The following FBXL17 variants were observed in gnomAD, a reference collection of about 807,000 sequenced individuals.
The protein encoded by FBXL17 is F-box and leucine rich repeat protein 17.
Under a neutral mutation model 66.2 loss-of-function variants are expected in FBXL17, and 22 were observed. That is an observed-to-expected ratio of 0.33 (90% CI 0.24 to 0.47). The LOEUF (loss-of-function observed/expected upper bound fraction) is 0.47, where lower values mean the gene tolerates loss of function less well. Ranked by LOEUF, FBXL17 falls within the 20% of genes least tolerant of loss-of-function variation. The probability of loss-of-function intolerance (pLI) is 1.00; values close to 1 mark genes in which losing one functional copy is unlikely to be tolerated. For synonymous variants in FBXL17, 474 were observed against 400.5 expected (o/e 1.18, Z -2.19); for missense variants, 878 against 948.2 (o/e 0.93, Z 0.97).
intron 6 of FBXL17, among the ~76,000 whole-genome samples, chr5:108,060,187 G>C (rs1052731471): frequency 6.6e-6 from 1 of 151,140 alleles, no homozygotes; most frequent in Non-Finnish European, 1.5e-5. Context: ...TATATATATA[G>C]ATATAGATAT....
At chr5:107,907,796 C>G (rs1349255173) in intron 7 of FBXL17, among the ~76,000 whole-genome samples, 1 of 152,154 alleles carries the variant, frequency 6.6e-6, no homozygotes, top group Non-Finnish European at 1.5e-5. Flanking sequence ...CAGGAAACAA[C>G]AAGTGCTGGA....
chr5:108,205,848 T>A (rs772552407), intron 5 of FBXL17, among the ~76,000 whole-genome samples: 2 of 152,098 alleles, frequency 1.3e-5, no homozygotes, highest in African/African-American at 4.8e-5. Context: ...GCAATTCTTG[T>A]GCCTCAGCCT....
intron 6 of FBXL17, among the ~76,000 whole-genome samples, chr5:108,030,584 T>C (rs10434799): frequency 0.33 from 49,499 of 152,018 alleles, 9,491 homozygotes; most frequent in Admixed American, 0.43. Flanking sequence ...TATTAATTAA[T>C]ACAGTTACTG....
chr5:108,371,444 A>G (rs992769291), intron 1 of FBXL17, among the ~76,000 whole-genome samples: 1 of 152,224 alleles, frequency 6.6e-6, no homozygotes, highest in Non-Finnish European at 1.5e-5. Context: ...ACATAAATGA[A>G]TGTATACAAC....
intron 4 of FBXL17, among the ~76,000 whole-genome samples, chr5:108,309,852 G>A (rs73214599): frequency 0.019 from 2,932 of 151,852 alleles, 91 homozygotes; most frequent in African/African-American, 0.065. Flanking sequence ...TTTGTAATTC[G>A]AAAAAGTAAA....
chr5:108,270,807 T>C (rs937719389), intron 4 of FBXL17, among the ~76,000 whole-genome samples: 3 of 152,156 alleles, frequency 2.0e-5, no homozygotes, highest in Non-Finnish European at 2.9e-5. Context: ...GTTGAAATAA[T>C]TGAAGAGTTG....
At chr5:108,080,638 C>T (rs1211804070) in intron 6 of FBXL17, among the ~76,000 whole-genome samples, 1 of 151,984 alleles carries the variant, frequency 6.6e-6, no homozygotes, top group African/African-American at 2.4e-5. Flanking sequence ...AGACATCAAT[C>T]AATATATGTA....
chr5:107,992,697 T>G (rs1003004779), intron 7 of FBXL17, among the ~76,000 whole-genome samples: 1 of 152,156 alleles, frequency 6.6e-6, no homozygotes, highest in Non-Finnish European at 1.5e-5. Flanking sequence ...GTATAATAAC[T>G]TTCATGTATC....
intron 1 of FBXL17, among the ~76,000 whole-genome samples, chr5:108,377,749 G>C (rs76857366): frequency 0.019 from 2,962 of 152,288 alleles, 46 homozygotes; most frequent in Non-Finnish European, 0.027. Flanking sequence ...ATTTCTTGCG[G>C]ATATTTTTAT....
chr5:108,267,092 T>A (rs1453449281), intron 4 of FBXL17, among the ~76,000 whole-genome samples: 5 of 152,096 alleles, frequency 3.3e-5, no homozygotes, highest in African/African-American at 1.2e-4. Context: ...CATTCAGATA[T>A]TGTCAAATTT....
At chr5:108,187,889 T>C (rs34177028) in intron 5 of FBXL17, among the ~76,000 whole-genome samples, 2,977 of 152,246 alleles carry the variant, frequency 0.02, 48 homozygotes, top group Non-Finnish European at 0.027. Context: ...CAGTTCAGCT[T>C]AAACTCCAAG....
intron 1 of FBXL17, 78 bp downstream of exon 1, chr5:108,380,621 G>T (rs1355113127): frequency 2.1e-6 from 2 of 932,754 alleles, no homozygotes; most frequent in Admixed American, 4.3e-5. Context: ...CGCTTAGGGG[G>T]AGGAGAGAGA....
chr5:108,013,133 G>A (rs1486820461), intron 7 of FBXL17, among the ~76,000 whole-genome samples: 2 of 149,234 alleles, frequency 1.3e-5, no homozygotes, highest in African/African-American at 5.0e-5. Context: ...TATTATTATT[G>A]TTACGAAAGT....
chr5:108,232,782 C>CATATATATATATATATATATATCTATAT (rs1755404949), intron 4 of FBXL17, among the ~76,000 whole-genome samples: 1 of 78,170 alleles, frequency 1.3e-5, no homozygotes, highest in East Asian at 2.8e-4. Context: ...TAAGCTCTCA[C>CATATATATATATATATATATATCTATAT]ATATATATAT....
At chr5:108,137,049 CTT>C (rs1466075776) in intron 6 of FBXL17, among the ~76,000 whole-genome samples, 1 of 152,072 alleles carries the variant, frequency 6.6e-6, no homozygotes, top group African/African-American at 2.4e-5. Flanking sequence ...AAAAATTAGA[CTT>C]ATCAGAAATG....
intron 6 of FBXL17, among the ~76,000 whole-genome samples, chr5:108,154,606 A>AATATAT (rs1204231735): frequency 1.0e-5 from 1 of 96,730 alleles, no homozygotes; most frequent in African/African-American, 4.4e-5. Context: ...AAAAAAAAAA[A>AATATAT]ATATATATAT....
chr5:108,121,585 G>A (rs1031006756), intron 6 of FBXL17, among the ~76,000 whole-genome samples: 6 of 151,260 alleles, frequency 4.0e-5, no homozygotes, highest in Non-Finnish European at 7.4e-5. Flanking sequence ...TTGAGACAGA[G>A]TCTCGCTCTC....
chr5:107,861,310 T>G lies in FBXL17; in HGVS notation c.*410A>C, dbSNP rs1748113443. ...GTGCCTGTACGTATAACATCACTTC[T>G]GCTGTAGTCATCATCAGTAGAAGTG... On this transcript the variant is annotated 3_prime_UTR_variant, in exon 9 of 9. Transcript: ENST00000542267. 1 of 152,532 alleles carries G rather than the reference T, an allele frequency of 6.6e-6. No individual in the cohort carries two copies. The highest frequency in any genetic ancestry group is 1.9e-4 in the East Asian group (1 of 5,206). The allele number at this position is 152,532 out of a possible 1,614,324, so 9.4% of individuals were successfully genotyped here.
At chr5:108,106,383 G>A (rs1239964385) in intron 6 of FBXL17, among the ~76,000 whole-genome samples, 1 of 152,146 alleles carries the variant, frequency 6.6e-6, no homozygotes, top group Non-Finnish European at 1.5e-5. Context: ...ATGTAAAGTT[G>A]CCATACGTCC....
Sources: gnomAD v4.1 joint callset for allele counts (sites outside exome capture counted in the v4.1 genomes callset) on GRCh38, gnomAD v4.1.1 for gene constraint, MANE v1.5 for transcripts, NCBI Gene and HGNC (gene_info 2026-07-23, HGNC 2026-07-21) for gene names.